DENND1C: variants seen among roughly 807,000 people sequenced by gnomAD.
DENND1C encodes the protein DENN domain containing 1C, also known as DENN domain-containing protein 1C.
DENND1C carries 64 observed loss-of-function variants against 87.9 expected under a neutral mutation model. That is an observed-to-expected ratio of 0.73 (90% CI 0.60 to 0.90). DENND1C has a LOEUF of 0.90. DENND1C is among the 40% of genes least tolerant of loss of function. The pLI, the probability that DENND1C is intolerant of heterozygous loss-of-function variation, is 0.00. For synonymous variants in DENND1C, 384 were observed against 424.4 expected (o/e 0.90, Z 1.17); for missense variants, 980 against 1,037.0 (o/e 0.95, Z 0.76).
chr19:6,471,829 G>T (rs1332545998), intron 15 of DENND1C, among the ~76,000 whole-genome samples: 1 of 152,146 alleles, frequency 6.6e-6, no homozygotes, highest in Non-Finnish European at 1.5e-5. Flanking sequence ...TGTTTGTAGA[G>T]ACAGGGTTTC....
chr19:6,467,393 G>A lies in DENND1C; in HGVS notation c.*111C>T. On this transcript the variant is annotated 3_prime_UTR_variant, in exon 23 of 23. Transcript: ENST00000381480. Reference sequence around the variant, plus strand: ...TGGAGGGACAGAGGTGGGTGGGATGGATTTCCGAGCAGAGTGAGGGCACCA... The same window carrying A: ...TGGAGGGACAGAGGTGGGTGGGATGAATTTCCGAGCAGAGTGAGGGCACCA... The A allele has an allele frequency of 7.3e-7, 1 of 1,371,444 alleles. No individual in the cohort carries two copies. Among genetic ancestry groups the A allele is most frequent in the Non-Finnish European group, 9.5e-7 (1 of 1,047,124 alleles). The allele number at this position is 1,371,444 out of a possible 1,614,324, so 85.0% of individuals were successfully genotyped here.
At chr19:6,469,683 C>G (rs1287644749) in intron 18 of DENND1C, 43 bp from the exon 19 acceptor site, 1 of 1,580,130 alleles carries the variant, frequency 6.3e-7, no homozygotes, top group Non-Finnish European at 8.6e-7. Flanking sequence ...GTGGTGGGAT[C>G]CTGGGCATTT....
chr19:6,474,433 G>A (rs1436532622), intron 14 of DENND1C, among the ~76,000 whole-genome samples: 2 of 152,194 alleles, frequency 1.3e-5, no homozygotes, highest in Admixed American at 6.5e-5. Flanking sequence ...AAAAACAGGG[G>A]AGGGGGCTTC....
rs745631501 is a variant in DENND1C at position 6,467,508 on chromosome 19, C to T, written c.2402G>A (p.Gly801Asp). Residue 801 changes from glycine (G) to aspartate (D), a missense_variant, in exon 23 of 23, where the codon GGT (glycine) becomes GAT (aspartate). Physicochemically the swap from Gly to Asp is moderately conservative, Grantham distance 94. Coordinates refer to ENST00000381480, the MANE Select transcript of DENND1C (RefSeq NM_024898.4). Reference protein sequence around the residue: ...RVADLKKCFEG With the variant: ...RVADLKKCFED ...TCTCTCTTGGACCCCTGATTCTTAACCCTCAAAGCACTTCTTAAGATCAGC... is the reference window on the plus strand; with the variant it reads ...TCTCTCTTGGACCCCTGATTCTTAATCCTCAAAGCACTTCTTAAGATCAGC... 3.1e-5 allele frequency: 50 copies of T among 1,588,778 alleles called. No individual in the cohort carries two copies. The highest frequency in any genetic ancestry group is 4.0e-5 in the Non-Finnish European group (47 of 1,170,480).
chr19:6,478,670 G>T, intron 6 of DENND1C, 113 bp downstream of exon 6: 2 of 1,263,046 alleles, frequency 1.6e-6, no homozygotes, highest in Non-Finnish European at 2.2e-6. Context: ...AGGGACTACA[G>T]GTGTGACACA....
chr19:6,470,983 C>T (rs928360045), intron 17 of DENND1C, among the ~76,000 whole-genome samples: 1 of 151,978 alleles, frequency 6.6e-6, no homozygotes, highest in African/African-American at 2.4e-5. Flanking sequence ...GAGACAGGGT[C>T]TTGCTCTGTC....
Position 6,478,866 on chromosome 19 carries a change from A to T in DENND1C, c.297-14T>A. The T allele has an allele frequency of 6.2e-7, 1 of 1,613,818 alleles. No homozygotes were observed. The highest frequency in any genetic ancestry group is 8.5e-7 in the Non-Finnish European group (1 of 1,179,806). ...CAAGGCAGGTGGCTGTGGAGAGAGG[A>T]GACAGGTTCCACGAAGTGTCCCTAG... is the stretch of plus-strand genomic sequence containing the variant. On this transcript the variant is annotated splice_polypyrimidine_tract_variant and intron_variant, in intron 5 of 22. Coordinates refer to ENST00000381480, the MANE Select transcript of DENND1C (RefSeq NM_024898.4).
At chr19:6,480,502 C>G (rs893664445) in intron 1 of DENND1C, 2 of 983,570 alleles carry the variant, frequency 2.0e-6, no homozygotes, top group Non-Finnish European at 1.2e-6. Context: ...CTGTCTGTCT[C>G]TGTCTATCCA....
At chr19:6,469,764 A>AC in intron 18 of DENND1C, 124 bp from the exon 19 acceptor site, 1 of 921,242 alleles carries the variant, frequency 1.1e-6, no homozygotes, top group Non-Finnish European at 1.7e-6. Flanking sequence ...TACGTTCACC[A>AC]CCCCCCATAC....
chr19:6,473,686 G>C (rs2092842655), intron 14 of DENND1C, among the ~76,000 whole-genome samples: 1 of 151,588 alleles, frequency 6.6e-6, no homozygotes, highest in South Asian at 2.1e-4. Flanking sequence ...TCCCAGGCTG[G>C]TCCAAACTCC....
chr19:6,473,816 G>GGGGGGGGGGGGGGCA (rs1231177042), intron 14 of DENND1C, among the ~76,000 whole-genome samples: 1 of 131,696 alleles, frequency 7.6e-6, no homozygotes, highest in Admixed American at 8.0e-5. Flanking sequence ...GGGGGGTGGG[G>GGGGGGGGGGGGGGCA]GGAGGGAAAT....
chr19:6,474,648 T>A (rs2092848150), intron 14 of DENND1C, among the ~76,000 whole-genome samples: 1 of 152,166 alleles, frequency 6.6e-6, no homozygotes, highest in African/African-American at 2.4e-5. Flanking sequence ...AAAATGCTGA[T>A]TCACTGATTC....
chr19:6,470,315 C>T lies in DENND1C; in HGVS notation c.1342G>A (p.Val448Ile), dbSNP rs373788641. 50 of 1,611,592 alleles carry T rather than the reference C, an allele frequency of 3.1e-5. No individual in the cohort carries two copies. Among genetic ancestry groups the T allele is most frequent in the Middle Eastern group, 1.6e-4 (1 of 6,082 alleles). Residue 448 changes from valine (V) to isoleucine (I), a missense_variant, in exon 18 of 23, where the codon GTC becomes ATC. Coordinates refer to ENST00000381480, the MANE Select transcript of DENND1C (RefSeq NM_024898.4). ...HSVKAKTQPA[V>I]KNMYRSAKSG... ...CTCACCGAGCGGTACATGTTCTTGA[C>T]GGCTGGTTGGGTCTTGGCCTTGACT...
At chr19:6,471,073 A>G (rs1258288988) in intron 17 of DENND1C, among the ~76,000 whole-genome samples, 192 bp downstream of exon 17, 4 of 151,312 alleles carry the variant, frequency 2.6e-5, no homozygotes, top group African/African-American at 9.7e-5. Context: ...CTTCCACCTT[A>G]GCCTCCCGAG....
chr19:6,475,355 G>C lies in DENND1C; in HGVS notation c.972C>G (p.Pro324=), dbSNP rs760845169. Reference sequence around the variant, plus strand: ...GGAAGAGACGGGACACCCCTTCCCCGGGGGCCAGGGCGACCTTCCTGAGCC... The same window carrying C: ...GGAAGAGACGGGACACCCCTTCCCCCGGGGCCAGGGCGACCTTCCTGAGCC... The part of the protein sequence containing the change: ...RLRLRKVALA[P]GEGVSRLFLK... Residue 324 remains proline, a synonymous_variant, in exon 14 of 23, where the codon CCC becomes CCG. Coordinates refer to ENST00000381480, the MANE Select transcript of DENND1C (RefSeq NM_024898.4). 14 of 1,612,008 alleles carry C rather than the reference G, an allele frequency of 8.7e-6. No homozygotes were observed. The highest frequency in any genetic ancestry group is 1.0e-5 in the Non-Finnish European group (12 of 1,179,054).
At position 6,477,124 on chromosome 19, in the gene DENND1C, A is replaced by T. The variant is rs1221923189; in HGVS notation, c.517T>A (p.Ser173Thr). The change falls in exon 9 of 23, where the codon TCC becomes ACC. Residue 173 changes from serine (S) to threonine (T), a missense_variant. Coordinates refer to ENST00000381480, the MANE Select transcript of DENND1C (RefSeq NM_024898.4). ...PPTRGNSKPL[S>T]CFVAPDSGRL... ...CCGGAGTCCGGGGCCACGAAGCAGGAAAGCTGGTGGGGGTATTGGCAGGGG... is the reference window on the plus strand; with the variant it reads ...CCGGAGTCCGGGGCCACGAAGCAGGTAAGCTGGTGGGGGTATTGGCAGGGG... The T allele has an allele frequency of 4.1e-5, 66 of 1,604,946 alleles. No individual in the cohort carries two copies. Among genetic ancestry groups the T allele is most frequent in the Non-Finnish European group, 5.4e-5 (64 of 1,175,786 alleles).
Position 6,472,891 on chromosome 19 carries a change from G to A in DENND1C, c.1156C>T (p.Gln386Ter). ...RRAVHLQLFK[Q>*]FIEARLEKLN... ...GGACCCTCAGGGCTCTGGCATACCT[G>A]TTTGAACAGCTGCAGGTGCACAGCC... The change falls in exon 15 of 23, where the codon CAG becomes TAG. Residue 386 changes from glutamine (Q) to a stop codon, truncating the protein, a stop_gained and splice_region_variant. Transcript: ENST00000381480. LOFTEE classifies it high-confidence loss of function. The A allele has an allele frequency of 6.4e-7, 1 of 1,556,318 alleles. No homozygotes were observed. Among genetic ancestry groups the A allele is most frequent in the Non-Finnish European group, 8.7e-7 (1 of 1,153,050 alleles).
intron 14 of DENND1C, 97 bp from the exon 15 acceptor site, chr19:6,473,090 C>G: frequency 2.3e-6 from 2 of 864,580 alleles, no homozygotes; most frequent in Non-Finnish European, 3.3e-6. Flanking sequence ...TAGGCACTTG[C>G]TGTGTGTCTG....
At position 6,472,918 on chromosome 19, in the gene DENND1C, G is replaced by C. The variant is rs138572778; in HGVS notation, c.1129C>G (p.Arg377Gly). ...PGAPLQAFHR[R>G]AVHLQLFKQF... ...TTGAACAGCTGCAGGTGCACAGCCC[G>C]CCGGTGGAAGGCCTGCAGAGGTGCC... The change falls in exon 15 of 23, where the codon CGG becomes GGG. Residue 377 changes from arginine to glycine, a missense_variant. Coordinates refer to ENST00000381480, the MANE Select transcript of DENND1C (RefSeq NM_024898.4). The C allele has an allele frequency of 1.3e-6, 2 of 1,589,074 alleles. No individual in the cohort carries two copies. The highest frequency in any genetic ancestry group is 2.3e-5 in the South Asian group (2 of 86,962).
Sources: gnomAD v4.1 joint callset for allele counts (sites outside exome capture counted in the v4.1 genomes callset) on GRCh38, gnomAD v4.1.1 for gene constraint, MANE v1.5 for transcripts, NCBI Gene and HGNC (gene_info 2026-07-23, HGNC 2026-07-21) for gene names.